BBX: variants seen among roughly 807,000 people sequenced by gnomAD.
The protein encoded by BBX is HMG box transcription factor BBX.
BBX carries 30 observed loss-of-function variants against 100.2 expected under a neutral mutation model. The observed-to-expected ratio is 0.30, with a 90% CI of 0.22 to 0.41. The LOEUF is 0.41. BBX is among the 10% of genes least tolerant of loss of function. The pLI is 1.00. For synonymous variants in BBX, 376 were observed against 388.1 expected, an observed-to-expected ratio of 0.97 and a Z score of 0.37; for missense variants, 1,023 against 1,129.8, an observed-to-expected ratio of 0.91 and a Z score of 1.35.
intron 3 of BBX, among the ~76,000 whole-genome samples, chr3:107,663,990 A>G (rs2058606775): frequency 6.6e-6 from 1 of 152,012 alleles, no homozygotes; most frequent in African/African-American, 2.4e-5. Context: ...TATTTTTAGT[A>G]GAGACGAGGT....
intron 3 of BBX, among the ~76,000 whole-genome samples, chr3:107,694,174 A>C (rs2060398645): frequency 9.7e-6 from 1 of 103,108 alleles, no homozygotes; most frequent in Non-Finnish European, 1.9e-5. Flanking sequence ...TTCCTAATTG[A>C]ATACCCTTTA....
intron 2 of BBX, among the ~76,000 whole-genome samples, chr3:107,589,306 G>A (rs1053007246): frequency 8.5e-5 from 13 of 152,122 alleles, no homozygotes; most frequent in Admixed American, 1.3e-4. Flanking sequence ...CTTTACCTCC[G>A]AAAGTTTATA....
intron 2 of BBX, among the ~76,000 whole-genome samples, chr3:107,545,910 T>C (rs934720570): frequency 1.3e-5 from 2 of 152,180 alleles, no homozygotes; most frequent in African/African-American, 2.4e-5. Flanking sequence ...GAAATGGTGC[T>C]CTCTTACTAA....
chr3:107,541,441 G>A (rs1314942891), intron 2 of BBX, among the ~76,000 whole-genome samples: 1 of 152,032 alleles, frequency 6.6e-6, no homozygotes, highest in East Asian at 1.9e-4. Flanking sequence ...ATCAGTTAAG[G>A]CCCATGTAGG....
chr3:107,635,099 G>A (rs762234643), intron 2 of BBX, among the ~76,000 whole-genome samples: 15 of 151,626 alleles, frequency 9.9e-5, no homozygotes, highest in Non-Finnish European at 2.1e-4. Context: ...CAACTCTTGG[G>A]TTCCTTGTGA....
chr3:107,782,591 A>G (rs1362559018), intron 13 of BBX, among the ~76,000 whole-genome samples: 2 of 152,056 alleles, frequency 1.3e-5, no homozygotes, highest in African/African-American at 4.8e-5. Context: ...GTGTCACTGC[A>G]ACTTCTCACC....
intron 5 of BBX, among the ~76,000 whole-genome samples, chr3:107,717,144 A>G (rs2062164562): frequency 1.3e-5 from 2 of 152,176 alleles, no homozygotes; most frequent in Admixed American, 1.3e-4. Flanking sequence ...AAGGTTTATT[A>G]TGAATGGTTT....
In BBX at chr3:107,805,519, G is replaced by A. The variant is rs2071003483; in HGVS notation, c.*62G>A. ...CTACCCTAGCCTTGTCTTTACCGAG[G>A]GATGCTAGTGAGTCCAAGTGGTGGA... is the stretch of plus-strand genomic sequence containing the variant. On this transcript the variant is annotated 3_prime_UTR_variant, in exon 18 of 18. Coordinates refer to ENST00000325805, the MANE Select transcript of BBX (RefSeq NM_001142568.3). 2 of 1,613,038 alleles carry A rather than the reference G, an allele frequency of 1.2e-6. No individual in the cohort carries two copies. Among genetic ancestry groups the A allele is most frequent in the South Asian group, 2.2e-5 (2 of 91,026 alleles).
intron 3 of BBX, among the ~76,000 whole-genome samples, chr3:107,654,430 A>C (rs1033715350): frequency 1.3e-5 from 2 of 152,134 alleles, no homozygotes; most frequent in East Asian, 3.9e-4. Context: ...CAGCAAAATT[A>C]TAGATTTTTT....
intron 2 of BBX, among the ~76,000 whole-genome samples, chr3:107,637,083 T>C (rs2056894160): frequency 1.3e-5 from 2 of 152,182 alleles, no homozygotes; most frequent in Admixed American, 1.3e-4. Flanking sequence ...TAATAGACCT[T>C]TTTTTAGAAG....
At chr3:107,795,253 G>A (rs962872435) in intron 15 of BBX, among the ~76,000 whole-genome samples, 4 of 151,974 alleles carry the variant, frequency 2.6e-5, no homozygotes, top group African/African-American at 7.3e-5. Flanking sequence ...TGCCAATGTC[G>A]TTGGACTCAG....
chr3:107,551,374 G>A (rs1340937157), intron 2 of BBX, among the ~76,000 whole-genome samples: 1 of 152,160 alleles, frequency 6.6e-6, no homozygotes, highest in Non-Finnish European at 1.5e-5. Context: ...TGGTTTCCAC[G>A]AAAGCATTTC....
At chr3:107,551,842 A>G (rs1367916494) in intron 2 of BBX, among the ~76,000 whole-genome samples, 1 of 152,194 alleles carries the variant, frequency 6.6e-6, no homozygotes, top group African/African-American at 2.4e-5. Flanking sequence ...TGACAAATTG[A>G]AATATTTTAA....
At chr3:107,803,829 C>T (rs2070781786) in intron 17 of BBX, among the ~76,000 whole-genome samples, 1 of 152,200 alleles carries the variant, frequency 6.6e-6, no homozygotes, top group African/African-American at 2.4e-5. Context: ...TCAGTTGCAG[C>T]ACATAGTCCT....
chr3:107,636,153 G>A (rs2056840305), intron 2 of BBX, among the ~76,000 whole-genome samples: 1 of 152,108 alleles, frequency 6.6e-6, no homozygotes, highest in South Asian at 2.1e-4. Flanking sequence ...TCATCACCCA[G>A]CTGCAGTGTT....
At chr3:107,767,695 G>A (rs2066508797) in intron 10 of BBX, among the ~76,000 whole-genome samples, 1 of 152,176 alleles carries the variant, frequency 6.6e-6, no homozygotes, top group African/African-American at 2.4e-5. Flanking sequence ...CCACAGAAAA[G>A]AAGAAGAAAA....
In BBX at chr3:107,697,748, T is replaced by G. The variant is rs4855763; in HGVS notation, c.-9-12704T>G. On this transcript the variant is annotated intron_variant, in intron 3 of 17. Transcript: ENST00000325805. ...ACCCAGTTCGAGCTTCCTGGCTGCT[T>G]TGTTTACCTAAGCAAGCCTGGGCAA... Among the ~76,000 whole-genome samples the G allele has an allele frequency of 2.4e-3, 363 of 151,916 alleles. 9 individuals carry two copies. Among genetic ancestry groups the G allele is most frequent in the African/African-American group, 5.5e-3 (228 of 41,226 alleles).
intron 2 of BBX, among the ~76,000 whole-genome samples, chr3:107,559,537 A>C (rs767069391): frequency 6.6e-6 from 1 of 152,190 alleles, no homozygotes. Flanking sequence ...ATTGCAGTTC[A>C]GAACTGGAGC....
intron 10 of BBX, among the ~76,000 whole-genome samples, chr3:107,759,574 A>T (rs1295062609): frequency 6.6e-6 from 1 of 152,202 alleles, no homozygotes; most frequent in Non-Finnish European, 1.5e-5. Flanking sequence ...CAGCAAAGAA[A>T]AATTCTACCC....
Sources: gnomAD v4.1 joint callset for allele counts (sites outside exome capture counted in the v4.1 genomes callset) on GRCh38, gnomAD v4.1.1 for gene constraint, MANE v1.5 for transcripts, NCBI Gene and HGNC (gene_info 2026-07-23, HGNC 2026-07-21) for gene names.